Variants in SLC35F2 observed in about 807,000 individuals in gnomAD.
SLC35F2 encodes the protein solute carrier family 35 member F2.
SLC35F2 carries 25 observed loss-of-function variants against 38.1 expected under a neutral mutation model. The ratio of observed to expected loss-of-function variants is 0.66; its 90% CI spans 0.48 to 0.92. SLC35F2 has a LOEUF of 0.92. SLC35F2 is among the 40% of genes least tolerant of loss of function. The probability of loss-of-function intolerance (pLI) is 0.00; values close to 1 mark genes in which losing one functional copy is unlikely to be tolerated. For synonymous variants in SLC35F2, 173 were observed against 181.7 expected (o/e 0.95, Z 0.38); for missense variants, 409 against 452.9 (o/e 0.90, Z 0.88).
chr11:107,816,065 A>G (rs1859569709), intron 1 of SLC35F2, 100 bp from the exon 2 acceptor site: 24 of 1,318,642 alleles, frequency 1.8e-5, no homozygotes, highest in Non-Finnish European at 2.3e-5. Context: ...GCTAAACACA[A>G]AGGGAAATGC....
At chr11:107,815,084 AAGAG>A (rs758552546) in intron 2 of SLC35F2, among the ~76,000 whole-genome samples, 30 of 152,006 alleles carry the variant, frequency 2.0e-4, no homozygotes, top group Non-Finnish European at 3.1e-4. Flanking sequence ...TATAAAAAAA[AAGAG>A]AGAGAGACCT....
At chr11:107,798,693 ACTGT>A (rs1859258900) in intron 7 of SLC35F2, among the ~76,000 whole-genome samples, 1 of 152,176 alleles carries the variant, frequency 6.6e-6, no homozygotes, top group African/African-American at 2.4e-5. Flanking sequence ...CTCTTTTTCA[ACTGT>A]CTGCTTCAAA....
Position 107,858,739 on chromosome 11 carries a change from C to T in SLC35F2, c.29G>A (p.Gly10Asp). The change falls in exon 1 of 8, where the codon GGC becomes GAC. Residue 10 changes from glycine to aspartate, a missense_variant. Transcript: ENST00000525815. ...TCCCTCCGCGAGGGGCTCTGGGGCG[C>T]CGGGGCCCGCTGGCGAGTCTGCCTC... MEADSPAGP[G>D]APEPLAEGAA... 3.1e-6 allele frequency: 4 copies of T among 1,281,980 alleles called. No homozygotes were observed. Among genetic ancestry groups the T allele is most frequent in the Non-Finnish European group, 4.0e-6 (4 of 1,006,506 alleles). The allele number at this position is 1,281,980 out of a possible 1,614,324, so 79.4% of individuals were successfully genotyped here.
chr11:107,814,819 T>C (rs541413481), intron 2 of SLC35F2, among the ~76,000 whole-genome samples: 12 of 152,210 alleles, frequency 7.9e-5, no homozygotes, highest in African/African-American at 2.6e-4. Flanking sequence ...AAAAATTATC[T>C]GGGCACAGTG....
intron 4 of SLC35F2, 49 bp downstream of exon 4, chr11:107,806,668 A>G: frequency 1.3e-6 from 2 of 1,523,236 alleles, no homozygotes; most frequent in Non-Finnish European, 8.9e-7. Flanking sequence ...AAGTGAAAAC[A>G]TAAACAAATT....
rs1043382398 is a variant in SLC35F2 at position 107,856,317 on chromosome 11, C to T, written c.110+2341G>A. ...ATATAGAGCACTGAAAGGAGCCAGG[C>T]TCTGTCTGCCCTTTCCTGCATAGTA... On this transcript the variant is annotated intron_variant, in intron 1 of 7. Coordinates refer to ENST00000525815, the MANE Select transcript of SLC35F2 (RefSeq NM_017515.5). Among the ~76,000 whole-genome samples, 7 of 152,264 alleles carry T rather than the reference C, an allele frequency of 4.6e-5. No individual in the cohort carries two copies. The South Asian group carries it at 1.2e-3, about 27-fold the overall frequency.
intron 1 of SLC35F2, among the ~76,000 whole-genome samples, chr11:107,843,893 A>T (rs1437808215): frequency 3.1e-5 from 4 of 127,466 alleles, no homozygotes; most frequent in Non-Finnish European, 4.9e-5. Flanking sequence ...ATATATATAT[A>T]TATATATATA....
chr11:107,848,303 AG>A (rs1860128489), intron 1 of SLC35F2, among the ~76,000 whole-genome samples: 1 of 152,146 alleles, frequency 6.6e-6, no homozygotes, highest in Admixed American at 6.6e-5. Context: ...GGAGAGGAGG[AG>A]GGGCAGCAGT....
At chr11:107,851,246 G>C (rs1860180021) in intron 1 of SLC35F2, among the ~76,000 whole-genome samples, 1 of 150,238 alleles carries the variant, frequency 6.7e-6, no homozygotes, top group African/African-American at 2.5e-5. Context: ...CGGGGCAACA[G>C]AGTGAGATGC....
chr11:107,827,470 T>G (rs1297826253), intron 1 of SLC35F2, among the ~76,000 whole-genome samples: 1 of 151,908 alleles, frequency 6.6e-6, no homozygotes. Context: ...CAAAAATGGC[T>G]GGATGTGGTG....
At chr11:107,818,401 A>T (rs184899691) in intron 1 of SLC35F2, among the ~76,000 whole-genome samples, 140 of 151,092 alleles carry the variant, frequency 9.3e-4, no homozygotes, top group Admixed American at 5.2e-4. Context: ...ACTACAAAAA[A>T]GAAAAAAAGA....
chr11:107,858,514 T>G, intron 1 of SLC35F2, 144 bp downstream of exon 1: 1 of 656,656 alleles, frequency 1.5e-6, no homozygotes, highest in Non-Finnish European at 2.2e-6. Flanking sequence ...GTGTGCGTGT[T>G]GAGCCCCGAA....
At chr11:107,823,438 T>C (rs1859706410) in intron 1 of SLC35F2, among the ~76,000 whole-genome samples, 1 of 152,114 alleles carries the variant, frequency 6.6e-6, no homozygotes, top group Non-Finnish European at 1.5e-5. Context: ...TGGGGGAGAT[T>C]TTAAAATCCA....
intron 3 of SLC35F2, among the ~76,000 whole-genome samples, chr11:107,807,626 G>A (rs138027898): frequency 0.017 from 2,614 of 151,400 alleles, 76 homozygotes; most frequent in African/African-American, 0.06. Context: ...AAGCTGGAGC[G>A]CAGTGGTGCA....
chr11:107,838,803 A>G (rs1859970293), intron 1 of SLC35F2, among the ~76,000 whole-genome samples: 1 of 149,784 alleles, frequency 6.7e-6, no homozygotes, highest in African/African-American at 2.5e-5. Flanking sequence ...TTATTTTCAT[A>G]TTTTTAGTAG....
chr11:107,846,440 A>T (rs1458351033), intron 1 of SLC35F2, among the ~76,000 whole-genome samples: 1 of 150,644 alleles, frequency 6.6e-6, no homozygotes, highest in East Asian at 1.9e-4. Context: ...TTTTTAAGTA[A>T]TTTTTTTTTT....
At chr11:107,837,525 TAA>T (rs57873203) in intron 1 of SLC35F2, among the ~76,000 whole-genome samples, 13 of 121,794 alleles carry the variant, frequency 1.1e-4, no homozygotes, top group African/African-American at 9.4e-5. Context: ...CTGTCTCTAC[TAA>T]AAAAAAAAAA....
At chr11:107,844,355 C>T (rs972141561) in intron 1 of SLC35F2, among the ~76,000 whole-genome samples, 1 of 152,008 alleles carries the variant, frequency 6.6e-6, no homozygotes, top group Non-Finnish European at 1.5e-5. Context: ...GGGCCAGCCA[C>T]GGTGGCTCCC....
intron 3 of SLC35F2, 49 bp downstream of exon 3, chr11:107,811,617 TC>T: frequency 6.5e-7 from 1 of 1,537,852 alleles, no homozygotes; most frequent in Admixed American, 2.0e-5. Flanking sequence ...GACTTCGTGT[TC>T]TTCTTTTGAA....
Sources: gnomAD v4.1 joint callset for allele counts (sites outside exome capture counted in the v4.1 genomes callset) on GRCh38, gnomAD v4.1.1 for gene constraint, MANE v1.5 for transcripts, NCBI Gene and HGNC (gene_info 2026-07-23, HGNC 2026-07-21) for gene names.